DTHD1: variants seen among roughly 807,000 people sequenced by gnomAD.
DTHD1 encodes death domain containing 1.
In DTHD1, 59 loss-of-function variants were observed where a neutral mutation model predicts 74.8. The observed-to-expected ratio is 0.79, with a 90% CI of 0.64 to 0.98. The LOEUF is 0.98. Ranked by LOEUF, DTHD1 falls within the 50% of genes least tolerant of loss-of-function variation. DTHD1 has a pLI of 0.00. For missense variants in DTHD1, 1,051 were observed against 1,065.4 expected (o/e 0.99, Z 0.19); for synonymous variants, 365 against 371.1 (o/e 0.98, Z 0.19).
At chr4:36,321,526 C>G (rs2109533999) in intron 8 of DTHD1, among the ~76,000 whole-genome samples, 1 of 152,214 alleles carries the variant, frequency 6.6e-6, no homozygotes, top group South Asian at 2.1e-4. Context: ...CTGGGAACTT[C>G]TAGTTGCAGG....
At chr4:36,325,459 G>A (rs4607241) in intron 8 of DTHD1, among the ~76,000 whole-genome samples, 36,037 of 152,056 alleles carry the variant, frequency 0.24, 4,688 homozygotes, top group Admixed American at 0.3. Flanking sequence ...ACATTACTAC[G>A]ACAGCCTATA....
rs1194606660 is a variant in DTHD1 at position 36,284,043 on chromosome 4, A to G, written c.339A>G (p.Leu113=). 2 of 1,537,216 alleles carry G rather than the reference A, an allele frequency of 1.3e-6. No homozygotes were observed. Among genetic ancestry groups the G allele is most frequent in the South Asian group, 2.4e-5 (2 of 84,060 alleles). ...TEHLGSTAAL[L]KKEEKEICNL... ...ATTTGGGGAGCACTGCTGCACTTCT[A>G]AAGAAAGAAGAAAAGGAGATTTGTA... The change falls in exon 2 of 10, where the codon CTA becomes CTG. Residue 113 remains leucine, a synonymous_variant. Transcript: ENST00000639862.
chr4:36,307,318 G>A (rs1446138233), intron 6 of DTHD1, among the ~76,000 whole-genome samples: 1 of 152,170 alleles, frequency 6.6e-6, no homozygotes, highest in African/African-American at 2.4e-5. Context: ...TCCTTCCAAG[G>A]GCTGTGAGGG....
intron 5 of DTHD1, among the ~76,000 whole-genome samples, chr4:36,298,787 A>T (rs1002234164): frequency 2.0e-5 from 3 of 152,220 alleles, no homozygotes; most frequent in Non-Finnish European, 4.4e-5. Context: ...TTTATTAAAT[A>T]GGAGCTTATT....
chr4:36,284,028 CA>C lies in DTHD1; in HGVS notation c.325del (p.Thr109LeufsTer5). 2.0e-6 allele frequency: 3 copies of C among 1,537,080 alleles called. No homozygotes were observed. The highest frequency in any genetic ancestry group is 2.6e-6 in the Non-Finnish European group (3 of 1,146,840). On this transcript the variant is annotated frameshift_variant, in exon 2 of 10. Coordinates refer to ENST00000639862, the MANE Select transcript of DTHD1 (RefSeq NM_001170700.3). LOFTEE classifies it high-confidence loss of function. ...TAAAAATAACTGAACATTTGGGGAG[CA>C]CTGCTGCACTTCTAAAGAAAGAAGA... Reference protein sequence around the residue: ...LIKITEHLGSTAALLKKEEKE... With the variant: ...LIKITEHLGSXAALLKKEEKE...
chr4:36,300,689 T>C (rs961818566), intron 5 of DTHD1, among the ~76,000 whole-genome samples: 9 of 152,252 alleles, frequency 5.9e-5, no homozygotes, highest in African/African-American at 2.2e-4. Context: ...AAATTTATGA[T>C]ATTTTAGAGT....
At chr4:36,335,856 A>T (rs1056426621) in intron 8 of DTHD1, among the ~76,000 whole-genome samples, 3 of 152,236 alleles carry the variant, frequency 2.0e-5, no homozygotes, top group African/African-American at 7.2e-5. Context: ...ACAGGGCTAT[A>T]ATTAGGGAGC....
intron 5 of DTHD1, among the ~76,000 whole-genome samples, chr4:36,297,475 A>G (rs1756499002): frequency 6.6e-6 from 1 of 152,084 alleles, no homozygotes. Flanking sequence ...TTGATCAGAT[A>G]TAAATATCAG....
chr4:36,339,532 G>A (rs1204199647), intron 9 of DTHD1, among the ~76,000 whole-genome samples: 4 of 152,232 alleles, frequency 2.6e-5, no homozygotes, highest in South Asian at 2.1e-4. Context: ...TCAAATCAAC[G>A]TTTGAAGTCA....
intron 5 of DTHD1, among the ~76,000 whole-genome samples, chr4:36,295,912 A>G (rs557275303): frequency 1.5e-4 from 23 of 152,254 alleles, no homozygotes; most frequent in African/African-American, 5.1e-4. Flanking sequence ...GCAATCATAA[A>G]AAAAGAAACA....
At chr4:36,334,586 G>C (rs551204377) in intron 8 of DTHD1, among the ~76,000 whole-genome samples, 3 of 152,094 alleles carry the variant, frequency 2.0e-5, no homozygotes, top group African/African-American at 7.2e-5. Flanking sequence ...TGTCAAACTC[G>C]TGACCTCAGG....
intron 5 of DTHD1, among the ~76,000 whole-genome samples, chr4:36,302,172 G>T (rs904604782): frequency 2.0e-5 from 3 of 152,160 alleles, no homozygotes; most frequent in African/African-American, 7.2e-5. Context: ...CCGAATAGTG[G>T]CACATGTAGG....
At chr4:36,310,575 G>A (rs986337973) in intron 7 of DTHD1, among the ~76,000 whole-genome samples, 11 of 151,804 alleles carry the variant, frequency 7.2e-5, no homozygotes, top group African/African-American at 1.9e-4. Context: ...GATGTGCTCC[G>A]TTTACTTATA....
At position 36,321,149 on chromosome 4, in the gene DTHD1, G is replaced by A. The variant is rs945822736; in HGVS notation, c.2340+4663G>A. ...TATCCCAAAGGCTCAACGTATAGTG[G>A]TGTCCTGGTATGTAGGGTCTCATTT... On this transcript the variant is annotated intron_variant, in intron 8 of 9. Transcript: ENST00000639862. 3.3e-5 allele frequency among the ~76,000 whole-genome samples: 5 copies of A among 152,152 alleles called. No individual in the cohort carries two copies. The South Asian group carries it at 1.0e-3, about 32-fold the overall frequency.
chr4:36,292,718 GTT>G (rs1405582924), intron 3 of DTHD1, among the ~76,000 whole-genome samples: 4 of 152,196 alleles, frequency 2.6e-5, no homozygotes, highest in African/African-American at 9.7e-5. Flanking sequence ...TCCCTGAAAT[GTT>G]TTTTCGTGTA....
At position 36,346,934 on chromosome 4, in the gene DTHD1, G is replaced by A. The variant is rs13138014; in HGVS notation, c.*3110G>A. On this transcript the variant is annotated 3_prime_UTR_variant, in exon 10 of 10. Transcript: ENST00000639862. ...GTTTGGAGTAACTGTGTTATTCCTT[G>A]CAGTTCCCCTACATCCTGCTCTCCC... Among the ~76,000 whole-genome samples, 20,992 of 152,006 alleles carry A rather than the reference G, an allele frequency of 0.14. 1,777 individuals are homozygous for A. Among genetic ancestry groups the A allele is most frequent in the Non-Finnish European group, 0.18 (12,488 of 67,980 alleles).
At chr4:36,337,958 T>C (rs1759103709) in intron 8 of DTHD1, among the ~76,000 whole-genome samples, 1 of 152,232 alleles carries the variant, frequency 6.6e-6, no homozygotes, top group African/African-American at 2.4e-5. Context: ...TCCTTAGTGG[T>C]TGCTTTTTAG....
chr4:36,306,074 A>G (rs915357552), intron 5 of DTHD1, 117 bp from the exon 6 acceptor site: 3 of 1,016,180 alleles, frequency 3.0e-6, no homozygotes, highest in Non-Finnish European at 4.2e-6. Flanking sequence ...AATTCCTGGC[A>G]CATAGTATGT....
intron 5 of DTHD1, among the ~76,000 whole-genome samples, chr4:36,296,099 G>A (rs536059504): frequency 6.6e-6 from 1 of 152,122 alleles, no homozygotes; most frequent in Admixed American, 6.6e-5. Flanking sequence ...ACCAGAAACC[G>A]ATTATGTAAA....
Sources: gnomAD v4.1 joint callset for allele counts (sites outside exome capture counted in the v4.1 genomes callset) on GRCh38, gnomAD v4.1.1 for gene constraint, MANE v1.5 for transcripts, NCBI Gene and HGNC (gene_info 2026-07-23, HGNC 2026-07-21) for gene names.